TTC5: variants seen among roughly 807,000 people sequenced by gnomAD.
TTC5 encodes the protein tetratricopeptide repeat protein 5.
Under a neutral mutation model 57.4 loss-of-function variants are expected in TTC5, and 46 were observed. The observed-to-expected ratio is 0.80, with a 90% CI of 0.63 to 1.03. The LOEUF (loss-of-function observed/expected upper bound fraction) is 1.03. Among genes scored for constraint, TTC5 ranks in the 50% least tolerant of loss-of-function variants. The pLI, the probability that TTC5 is intolerant of heterozygous loss-of-function variation, is 0.00. For synonymous variants in TTC5, 190 were observed against 203.5 expected, an observed-to-expected ratio of 0.93 and a Z score of 0.57; for missense variants, 504 against 528.1, an observed-to-expected ratio of 0.95 and a Z score of 0.45.
chr14:20,296,300 G>C, intron 6 of TTC5, 90 bp downstream of exon 6: 1 of 1,044,834 alleles, frequency 9.6e-7, no homozygotes, highest in East Asian at 2.4e-5. Flanking sequence ...ACCCAATCTT[G>C]TCCCTATGCA....
At chr14:20,300,345 C>T in intron 3 of TTC5, 1 of 404,444 alleles carries the variant, frequency 2.5e-6, no homozygotes, top group Non-Finnish European at 4.4e-6. Flanking sequence ...TCTTCAACCC[C>T]CATCCACAGG....
At chr14:20,304,450 T>TTCA (rs1882250561) in intron 1 of TTC5, among the ~76,000 whole-genome samples, 1 of 152,224 alleles carries the variant, frequency 6.6e-6, no homozygotes, top group Non-Finnish European at 1.5e-5. Flanking sequence ...TAAAACACAC[T>TTCA]TTGAGAAATA....
intron 3 of TTC5, among the ~76,000 whole-genome samples, chr14:20,300,143 G>GTGTGTATATATA (rs370417927): frequency 3.7e-5 from 1 of 27,170 alleles, no homozygotes; most frequent in Non-Finnish European, 8.4e-5. Flanking sequence ...TCTGGTCCAT[G>GTGTGTATATATA]TATATATATA....
At position 20,301,959 on chromosome 14, in the gene TTC5, C is replaced by G; in HGVS notation, c.58G>C (p.Val20Leu). ...TCTCGAAATGAGTAGAGCTGATCCA[C>G]GAGTTCCTAAAAAGTATGACAATGG... is the stretch of plus-strand genomic sequence containing the variant. ...KPILQKLQEL[V>L]DQLYSFRDCY... The change falls in exon 2 of 10, where the codon GTG (valine) becomes CTG (leucine). Residue 20 changes from valine to leucine, a missense_variant. Coordinates refer to ENST00000258821, the MANE Select transcript of TTC5 (RefSeq NM_138376.3). The G allele has an allele frequency of 6.2e-7, 1 of 1,613,896 alleles. No homozygotes were observed. The highest frequency in any genetic ancestry group is 8.5e-7 in the Non-Finnish European group (1 of 1,179,880).
Position 20,300,653 on chromosome 14 carries a change from C to T in TTC5, c.350G>A (p.Gly117Glu), listed in dbSNP as rs1487910160. ...GCAGGTGTGGGCAGCTGCAACATCC[C>T]CTTTTTTCCAGTACACCTCACCCAG... ...NQLGEVYWKK[G>E]DVAAAHTCFS... Residue 117 changes from glycine (G) to glutamate (E), a missense_variant, in exon 3 of 10, where the codon GGG becomes GAG. Coordinates refer to ENST00000258821, the MANE Select transcript of TTC5 (RefSeq NM_138376.3). 2 of 1,613,856 alleles carry T rather than the reference C, an allele frequency of 1.2e-6. No individual in the cohort carries two copies. The highest frequency in any genetic ancestry group is 1.3e-5 in the African/African-American group (1 of 74,914).
At chr14:20,296,263 T>C (rs190491353) in intron 6 of TTC5, 127 bp downstream of exon 6, 5 of 785,444 alleles carry the variant, frequency 6.4e-6, no homozygotes, top group African/African-American at 1.7e-5. Flanking sequence ...TTTATAGAAA[T>C]AGCATGGCTT....
intron 9 of TTC5, among the ~76,000 whole-genome samples, chr14:20,290,830 A>G (rs1346015672): frequency 2.6e-5 from 4 of 152,182 alleles, no homozygotes. Flanking sequence ...CAGATAGTAA[A>G]TATTTTAGGC....
At chr14:20,298,652 AC>A in intron 5 of TTC5, 144 bp downstream of exon 5, 1 of 604,460 alleles carries the variant, frequency 1.7e-6, no homozygotes, top group Non-Finnish European at 2.9e-6. Context: ...CTCTGCAGAC[AC>A]ATCTTTGCAA....
Position 20,301,838 on chromosome 14 carries a change from A to G in TTC5, c.179T>C (p.Val60Ala), listed in dbSNP as rs781756407. 1 of 1,613,946 alleles carries G rather than the reference A, an allele frequency of 6.2e-7. No individual in the cohort carries two copies. Among genetic ancestry groups the G allele is most frequent in the Non-Finnish European group, 8.5e-7 (1 of 1,179,934 alleles). The change falls in exon 2 of 10, where the codon GTA (valine) becomes GCA (alanine). Residue 60 changes from valine to alanine, a missense_variant. Val to Ala is a moderately conservative substitution (Grantham distance 64, BLOSUM62 0). Coordinates refer to ENST00000258821, the MANE Select transcript of TTC5 (RefSeq NM_138376.3). Reference protein sequence around the residue: ...MEKTLQQMEEVVGSVQGKAQV... With the variant: ...MEKTLQQMEEAVGSVQGKAQV... ...ACAATCTCTAGGGCTCATACCCACTACTTCTTCCATCTGCTGTAGGGTTTT... is the reference window on the plus strand; with the variant it reads ...ACAATCTCTAGGGCTCATACCCACTGCTTCTTCCATCTGCTGTAGGGTTTT...
At position 20,295,479 on chromosome 14, in the gene TTC5, G is replaced by A. The variant is rs1882042037; in HGVS notation, c.891C>T (p.Arg297=). 1 of 1,614,004 alleles carries A rather than the reference G, an allele frequency of 6.2e-7. No individual in the cohort carries two copies. Among genetic ancestry groups the A allele is most frequent in the Non-Finnish European group, 8.5e-7 (1 of 1,179,928 alleles). The change falls in exon 8 of 10, where the codon CGC becomes CGT. Residue 297 remains arginine (R), a synonymous_variant. Coordinates refer to ENST00000258821, the MANE Select transcript of TTC5 (RefSeq NM_138376.3). ...CACTGCAAGGGCCTAGATGGGCTGGGCGCAAGCTTCCCAGCATGCTCTGCA... is the reference window on the plus strand; with the variant it reads ...CACTGCAAGGGCCTAGATGGGCTGGACGCAAGCTTCCCAGCATGCTCTGCA... ...KKLQSMLGSL[R]PAHLGPCSDG...
Position 20,295,562 on chromosome 14 carries a change from C to T in TTC5, c.844-36G>A, listed in dbSNP as rs752571102. The T allele has an allele frequency of 2.5e-6, 4 of 1,591,504 alleles. No individual in the cohort carries two copies. In the South Asian group the frequency reaches 3.3e-5, roughly 13 times the overall value. Reference sequence around the variant, plus strand: ...GGGGAAATAGGTAAGAAGCTGGAAACTAGTCGCCTTCCTTGAGATTCTAAT... The same window carrying T: ...GGGGAAATAGGTAAGAAGCTGGAAATTAGTCGCCTTCCTTGAGATTCTAAT... On this transcript the variant is annotated intron_variant, in intron 7 of 9. Transcript: ENST00000258821.
chr14:20,300,358 T>C, intron 3 of TTC5: 1 of 445,518 alleles, frequency 2.2e-6, no homozygotes, highest in Non-Finnish European at 4.0e-6. Flanking sequence ...TCCACAGGGA[T>C]CAGCTTAGCT....
In TTC5 at chr14:20,299,333, G is replaced by T; in HGVS notation, c.512C>A (p.Ala171Asp). 1 of 1,614,084 alleles carries T rather than the reference G, an allele frequency of 6.2e-7. No homozygotes were observed. Among genetic ancestry groups the T allele is most frequent in the Non-Finnish European group, 8.5e-7 (1 of 1,179,998 alleles). Residue 171 changes from alanine (A) to aspartate (D), a missense_variant, in exon 4 of 10, where the codon GCT becomes GAT. Transcript: ENST00000258821. ...GCCATCATGGACATCCATCTGAACA[G>T]CCAACTTAGCCTGTCGGACACTGTC... is the stretch of plus-strand genomic sequence containing the variant. Reference protein sequence around the residue: ...VMDSVRQAKLAVQMDVHDGRS... With the variant: ...VMDSVRQAKLDVQMDVHDGRS...
At chr14:20,303,107 G>A (rs561909375) in intron 1 of TTC5, among the ~76,000 whole-genome samples, 3 of 151,480 alleles carry the variant, frequency 2.0e-5, no homozygotes, top group East Asian at 1.9e-4. Flanking sequence ...CAGGAGAATC[G>A]CTTGAACCTG....
chr14:20,300,404 C>T (rs1163541092), intron 3 of TTC5: 3 of 563,292 alleles, frequency 5.3e-6, no homozygotes, highest in African/African-American at 3.8e-5. Context: ...CCCCCTGAAC[C>T]TGATCCCATC....
intron 8 of TTC5, chr14:20,294,244 G>A (rs187006005): frequency 1.1e-4 from 16 of 152,292 alleles, no homozygotes; most frequent in African/African-American, 3.6e-4. Flanking sequence ...CAAAAATAGA[G>A]TCCTGGGAAC....
In TTC5 at chr14:20,289,473, A is replaced by G; in HGVS notation, c.*154T>C. ...GGAACATGATGAGGACAGAGGAGAGAGAAGAGATACGAAGTGTAATACAGG... is the reference window on the plus strand; with the variant it reads ...GGAACATGATGAGGACAGAGGAGAGGGAAGAGATACGAAGTGTAATACAGG... On this transcript the variant is annotated 3_prime_UTR_variant, in exon 10 of 10. Coordinates refer to ENST00000258821, the MANE Select transcript of TTC5 (RefSeq NM_138376.3). 3.5e-6 allele frequency: 3 copies of G among 862,548 alleles called. No individual in the cohort carries two copies. Among genetic ancestry groups the G allele is most frequent in the Non-Finnish European group, 5.1e-6 (3 of 585,958 alleles). 53.4% of individuals were successfully genotyped at this position (862,548 alleles called of 1,614,324 possible).
At chr14:20,296,270 G>A in intron 6 of TTC5, 120 bp downstream of exon 6, 1 of 813,714 alleles carries the variant, frequency 1.2e-6, no homozygotes, top group Non-Finnish European at 2.1e-6. Context: ...AAATAGCATG[G>A]CTTTCCTCTC....
At chr14:20,305,759 T>C (rs1882278438) in intron 1 of TTC5, 128 bp downstream of exon 1, 3 of 1,001,458 alleles carry the variant, frequency 3.0e-6, no homozygotes, top group South Asian at 2.7e-5. Flanking sequence ...CGAGGGTTGT[T>C]ATAGTAACCA....
Sources: allele counts gnomAD v4.1 joint callset (sites outside exome capture counted in the v4.1 genomes callset), GRCh38; gene constraint gnomAD v4.1.1; transcripts MANE v1.5; gene names NCBI Gene and HGNC (gene_info 2026-07-23, HGNC 2026-07-21).